RAB3IP: variants seen among roughly 807,000 people sequenced by gnomAD.
RAB3IP encodes the protein rab-3A-interacting protein.
A neutral mutation model predicts 59.1 loss-of-function variants in RAB3IP; 36 were observed. The ratio of observed to expected loss-of-function variants is 0.61; its 90% CI spans 0.47 to 0.80. The LOEUF is 0.80. Ranked by LOEUF, RAB3IP falls within the 30% of genes least tolerant of loss-of-function variation. RAB3IP has a pLI of 0.00. For missense variants in RAB3IP, 511 were observed against 536.0 expected (o/e 0.95, Z 0.46); for synonymous variants, 207 against 191.2 (o/e 1.08, Z -0.68).
chr12:69,790,458 A>G (rs1592566138), intron 4 of RAB3IP, among the ~76,000 whole-genome samples: 1 of 152,328 alleles, frequency 6.6e-6, no homozygotes, highest in East Asian at 1.9e-4. Flanking sequence ...AAGAATTAAT[A>G]CTGTTAAAAT....
intron 8 of RAB3IP, among the ~76,000 whole-genome samples, chr12:69,806,904 A>G (rs1484460693): frequency 1.3e-5 from 2 of 152,188 alleles, no homozygotes; most frequent in African/African-American, 4.8e-5. Context: ...GGGTAAGGTT[A>G]TAGATTAACA....
At chr12:69,796,401 A>G (rs1275437749) in intron 6 of RAB3IP, 3 of 325,916 alleles carry the variant, frequency 9.2e-6, no homozygotes, top group Middle Eastern at 7.8e-4. Context: ...AAAAATTTTT[A>G]ATCATTGTAT....
intron 8 of RAB3IP, among the ~76,000 whole-genome samples, chr12:69,803,858 A>C (rs898891123): frequency 9.2e-5 from 14 of 152,292 alleles, no homozygotes; most frequent in African/African-American, 3.4e-4. Flanking sequence ...ATAGTATTCC[A>C]TGGTGTATAT....
chr12:69,741,769 C>A (rs1348619161), intron 1 of RAB3IP, among the ~76,000 whole-genome samples: 1 of 152,224 alleles, frequency 6.6e-6, no homozygotes, highest in Non-Finnish European at 1.5e-5. Context: ...GTGCTCTTAA[C>A]CACTACACTC....
chr12:69,753,670 C>T (rs753255895), intron 1 of RAB3IP, among the ~76,000 whole-genome samples: 2 of 152,078 alleles, frequency 1.3e-5, no homozygotes, highest in South Asian at 2.1e-4. Flanking sequence ...TTCTAAGTTC[C>T]GGGAAGATGT....
At chr12:69,757,245 G>C (rs1443290897) in intron 3 of RAB3IP, among the ~76,000 whole-genome samples, 3 of 152,026 alleles carry the variant, frequency 2.0e-5, no homozygotes, top group Non-Finnish European at 1.5e-5. Context: ...TCAGAAAACA[G>C]GAAAAGTCTC....
chr12:69,788,608 A>G (rs1354330817), intron 4 of RAB3IP, among the ~76,000 whole-genome samples: 1 of 152,164 alleles, frequency 6.6e-6, no homozygotes, highest in African/African-American at 2.4e-5. Context: ...CATTAATAAT[A>G]GGTGACTTCA....
intron 6 of RAB3IP, among the ~76,000 whole-genome samples, chr12:69,797,260 T>C (rs1310467727): frequency 6.6e-6 from 1 of 152,208 alleles, no homozygotes; most frequent in Non-Finnish European, 1.5e-5. Flanking sequence ...ATTCGGACTT[T>C]ACTGCTTTCT....
rs1398301595 is a variant in RAB3IP, at chr12:69,784,586, A to C, written c.511-134A>C. On this transcript the variant is annotated intron_variant, in intron 3 of 10. Transcript: ENST00000247833. ...GTCTTCCACATAGCAGGTGCTAGAT[A>C]AATACTTTCAATGTGAACATTGTCA... 1.6e-5 allele frequency: 6 copies of C among 382,218 alleles called. No individual in the cohort carries two copies. In the South Asian group the frequency reaches 4.5e-4, roughly 29 times the overall value. 23.7% of individuals were successfully genotyped at this position (382,218 alleles called of 1,614,324 possible). A position where few individuals can be genotyped will look rare whatever the true frequency, so the allele number is the denominator to read the frequency against.
chr12:69,810,967 A>G (rs940740104), intron 8 of RAB3IP, among the ~76,000 whole-genome samples: 28 of 152,226 alleles, frequency 1.8e-4, no homozygotes, highest in African/African-American at 6.8e-4. Context: ...TTAACTAAAA[A>G]TACATTAGGT....
intron 3 of RAB3IP, among the ~76,000 whole-genome samples, chr12:69,781,278 C>T (rs1190569445): frequency 6.6e-6 from 1 of 152,122 alleles, no homozygotes; most frequent in African/African-American, 2.4e-5. Context: ...ACAGAGTCCC[C>T]ATGTACTTGC....
chr12:69,802,228 ATAGTT>A (rs1555227625), intron 8 of RAB3IP, among the ~76,000 whole-genome samples: 1 of 151,996 alleles, frequency 6.6e-6, no homozygotes, highest in Non-Finnish European at 1.5e-5. Flanking sequence ...ACCATCAAAA[ATAGTT>A]TGGGAAGGTA....
Position 69,812,886 on chromosome 12 carries a change from C to T in RAB3IP, c.1230+9C>T, listed in dbSNP as rs1412945815. On this transcript the variant is annotated intron_variant, in intron 9 of 10. Coordinates refer to ENST00000247833, the MANE Select transcript of RAB3IP (RefSeq NM_022456.5). ...CTTTTTGCAGATACAGGGTAAGTGACTTAACCATGAATTTTAATAAAGCTT... is the reference window on the plus strand; with the variant it reads ...CTTTTTGCAGATACAGGGTAAGTGATTTAACCATGAATTTTAATAAAGCTT... The T allele has an allele frequency of 6.2e-7, 1 of 1,605,328 alleles. No homozygotes were observed. The highest frequency in any genetic ancestry group is 8.5e-7 in the Non-Finnish European group (1 of 1,172,010).
chr12:69,739,905 A>G, intron 1 of RAB3IP: 1 of 1,587,650 alleles, frequency 6.3e-7, no homozygotes, highest in Non-Finnish European at 8.7e-7. Context: ...TGAGTTAGTT[A>G]GTACTGATTA....
rs1469035882 is a variant in RAB3IP at position 69,820,042 on chromosome 12, T to A, written c.*4596T>A. 6.6e-6 allele frequency: 1 copy of A among 152,246 alleles called. No individual in the cohort carries two copies. Among genetic ancestry groups the A allele is most frequent in the African/African-American group, 2.4e-5 (1 of 41,454 alleles). The allele number at this position is 152,246 out of a possible 1,614,324, so 9.4% of individuals were successfully genotyped here. A position where few individuals can be genotyped will look rare whatever the true frequency, so the allele number is the denominator to read the frequency against. ...ACCACAAGAATCCTGTGTGTTTTTG[T>A]TTTGTGCATCCAGTCTAAAACGGGT... is the stretch of plus-strand genomic sequence containing the variant. On this transcript the variant is annotated 3_prime_UTR_variant, in exon 11 of 11. Coordinates refer to ENST00000247833, the MANE Select transcript of RAB3IP (RefSeq NM_022456.5).
intron 6 of RAB3IP, among the ~76,000 whole-genome samples, chr12:69,797,680 C>A (rs537513967): frequency 2.0e-5 from 3 of 151,836 alleles, no homozygotes; most frequent in Non-Finnish European, 4.4e-5. Flanking sequence ...CCCATCCCCC[C>A]ACCCCACAAC....
chr12:69,780,851 TTTG>T (rs1874579152), intron 3 of RAB3IP, among the ~76,000 whole-genome samples: 1 of 152,192 alleles, frequency 6.6e-6, no homozygotes, highest in Non-Finnish European at 1.5e-5. Flanking sequence ...TGATTTTTGT[TTTG>T]TTATTTTTAA....
rs537316556 is a variant in RAB3IP at position 69,792,858 on chromosome 12, C to T, written c.607-1579C>T. Among the ~76,000 whole-genome samples the T allele has an allele frequency of 4.6e-5, 7 of 152,270 alleles. No individual in the cohort carries two copies. The South Asian group carries it at 6.2e-4, about 14-fold the overall frequency. ...TTTTAAAAACAAACAAAAAACTTTTCTAGCTTTTCTAATCGTTCTCCGTTG... is the reference window on the plus strand; with the variant it reads ...TTTTAAAAACAAACAAAAAACTTTTTTAGCTTTTCTAATCGTTCTCCGTTG... On this transcript the variant is annotated intron_variant, in intron 4 of 10. Transcript: ENST00000247833.
chr12:69,797,924 T>A (rs1877766425), intron 6 of RAB3IP, among the ~76,000 whole-genome samples: 1 of 152,212 alleles, frequency 6.6e-6, no homozygotes, highest in Non-Finnish European at 1.5e-5. Context: ...AGTCTATCAT[T>A]GTTGGACATT....
Sources: gnomAD v4.1 joint callset for allele counts (sites outside exome capture counted in the v4.1 genomes callset) on GRCh38, gnomAD v4.1.1 for gene constraint, MANE v1.5 for transcripts, NCBI Gene and HGNC (gene_info 2026-07-23, HGNC 2026-07-21) for gene names.